SPRED1: variants seen among roughly 807,000 people sequenced by gnomAD.
SPRED1 encodes sprouty-related, EVH1 domain-containing protein 1.
Under a neutral mutation model 52.3 loss-of-function variants are expected in SPRED1, and 18 were observed. The observed-to-expected ratio is 0.34, with a 90% confidence interval of 0.24 to 0.51. SPRED1 has a LOEUF of 0.51. SPRED1 is among the 20% of genes least tolerant of loss of function. The pLI is 0.97. For synonymous variants in SPRED1, 155 were observed against 179.7 expected (o/e 0.86, Z 1.10); for missense variants, 485 against 551.0 (o/e 0.88, Z 1.20).
chr15:38,272,895 C>G (rs890321260), intron 1 of SPRED1, among the ~76,000 whole-genome samples: 1 of 151,936 alleles, frequency 6.6e-6, no homozygotes, highest in South Asian at 2.1e-4. Flanking sequence ...TTGTTTTTTG[C>G]TTGTTCAGTT....
At chr15:38,349,770 A>G (rs1888441409) in intron 6 of SPRED1, among the ~76,000 whole-genome samples, 1 of 152,240 alleles carries the variant, frequency 6.6e-6, no homozygotes, top group South Asian at 2.1e-4. Flanking sequence ...TGTTAATTAA[A>G]TAAACTGTAT....
At chr15:38,302,971 G>A (rs1895178184) in intron 2 of SPRED1, among the ~76,000 whole-genome samples, 1 of 152,042 alleles carries the variant, frequency 6.6e-6, no homozygotes, top group Non-Finnish European at 1.5e-5. Flanking sequence ...CGACCATCGT[G>A]GCTAACACAG....
intron 1 of SPRED1, among the ~76,000 whole-genome samples, chr15:38,262,249 C>T (rs1894220923): frequency 1.3e-5 from 2 of 152,170 alleles, no homozygotes; most frequent in African/African-American, 4.8e-5. Context: ...TTTGCCTTAG[C>T]TTTGGAGATA....
chr15:38,299,683 G>C (rs1895114769), intron 2 of SPRED1, 136 bp downstream of exon 2: 12 of 913,740 alleles, frequency 1.3e-5, no homozygotes, highest in Non-Finnish European at 1.4e-5. Flanking sequence ...TGTGTTAAAG[G>C]CAGTGAAATA....
At chr15:38,344,786 C>T (rs946018321) in intron 5 of SPRED1, among the ~76,000 whole-genome samples, 1 of 152,054 alleles carries the variant, frequency 6.6e-6, no homozygotes. Context: ...CAATAATACT[C>T]GTAAGTAATT....
intron 1 of SPRED1, among the ~76,000 whole-genome samples, chr15:38,256,325 G>A (rs542253052): frequency 4.6e-5 from 7 of 152,150 alleles, no homozygotes; most frequent in Non-Finnish European, 8.8e-5. Context: ...AAATGTTTCC[G>A]ATAGATATAA....
At position 38,351,315 on chromosome 15, in the gene SPRED1, A is replaced by G. The variant is rs1320937319; in HGVS notation, c.986A>G (p.Asp329Gly). 4 of 1,614,010 alleles carry G rather than the reference A, an allele frequency of 2.5e-6. No individual in the cohort carries two copies. The highest frequency in any genetic ancestry group is 2.5e-6 in the Non-Finnish European group (3 of 1,180,026). ...AAGAAGTCAAAACGAAGAAAAGAGG[A>G]TGGTGAACGTTCTCGCTGCGTATAC... ...KIKKSKRRKE[D>G]GERSRCVYCQ... is the part of the protein sequence containing the mutation. The change falls in exon 7 of 7, where the codon GAT becomes GGT. Residue 329 changes from aspartate (D) to glycine (G), a missense_variant. By Grantham distance (94) the Asp-to-Gly change is moderately conservative. This residue lies in a region of SPRED1 where 205 missense variants were observed against 245.2 expected (regional missense o/e 0.84). Transcript: ENST00000299084.
At chr15:38,279,135 C>A (rs1201585016) in intron 1 of SPRED1, among the ~76,000 whole-genome samples, 1 of 152,132 alleles carries the variant, frequency 6.6e-6, no homozygotes, top group African/African-American at 2.4e-5. Context: ...CTCCTAACTA[C>A]ATTTTTGATC....
At chr15:38,311,087 C>A (rs1895357862) in intron 2 of SPRED1, among the ~76,000 whole-genome samples, 1 of 152,154 alleles carries the variant, frequency 6.6e-6, no homozygotes, top group African/African-American at 2.4e-5. Flanking sequence ...GGGTTTCTTG[C>A]AGGCATTTTT....
chr15:38,283,864 G>A (rs1490799345), intron 1 of SPRED1, among the ~76,000 whole-genome samples: 1 of 152,134 alleles, frequency 6.6e-6, no homozygotes, highest in African/African-American at 2.4e-5. Context: ...GGTAGATAGA[G>A]CTGCCTTACT....
rs182900344 is a variant in SPRED1 at position 38,313,420 on chromosome 15, G to T, written c.208-8821G>T. Among the ~76,000 whole-genome samples the T allele has an allele frequency of 3.3e-4, 50 of 151,924 alleles. No homozygotes were observed. The East Asian group carries it at 7.9e-3, about 24-fold the overall frequency. On this transcript the variant is annotated intron_variant, in intron 2 of 6. Transcript: ENST00000299084. The stretch of plus-strand genomic sequence containing the variant: ...TTGGATTTTTCTAATGTTTCCCCAT[G>T]ATTAGATTCATATTATTCATCCTTG...
chr15:38,286,644 A>G (rs906065947), intron 1 of SPRED1, among the ~76,000 whole-genome samples: 19 of 150,550 alleles, frequency 1.3e-4, no homozygotes, highest in African/African-American at 4.6e-4. Context: ...ATACATTTTT[A>G]TTGTTGTACA....
intron 1 of SPRED1, among the ~76,000 whole-genome samples, chr15:38,281,559 ATTTTTTTTTTT>A (rs542005244): frequency 9.9e-6 from 1 of 100,742 alleles, no homozygotes; most frequent in Non-Finnish European, 1.9e-5. Context: ...TGCCCATCTA[ATTTTTTTTTTT>A]TTTTTTTTTT....
chr15:38,333,674 A>C (rs1370530286), intron 4 of SPRED1, among the ~76,000 whole-genome samples: 1 of 152,124 alleles, frequency 6.6e-6, no homozygotes, highest in African/African-American at 2.4e-5. Context: ...GAATTGTTCA[A>C]ACCACCTCAA....
Position 38,277,068 on chromosome 15 carries a change from TCTTTG to T in SPRED1, c.33-22301_33-22297del, listed in dbSNP as rs1286932719. On this transcript the variant is annotated intron_variant, in intron 1 of 6. Transcript: ENST00000299084. The stretch of plus-strand genomic sequence containing the variant: ...ATGATAGTAATATTCATAAAGCTTA[TCTTTG>T]CTTCTACATTAAGAGAAGTAAATTT... Among the ~76,000 whole-genome samples the T allele has an allele frequency of 9.2e-5, 14 of 152,340 alleles. 2 individuals carry two copies. Among genetic ancestry groups the T allele is most frequent in the African/African-American group, 3.4e-4 (14 of 41,572 alleles).
chr15:38,254,575 C>G (rs1031595463), intron 1 of SPRED1, among the ~76,000 whole-genome samples: 6 of 152,176 alleles, frequency 3.9e-5, no homozygotes, highest in African/African-American at 1.4e-4. Flanking sequence ...AAAAAAAATT[C>G]GCGGCTTATT....
At chr15:38,276,214 T>G (rs1894548693) in intron 1 of SPRED1, among the ~76,000 whole-genome samples, 1 of 151,482 alleles carries the variant, frequency 6.6e-6, no homozygotes, top group Non-Finnish European at 1.5e-5. Context: ...GTGAATGTTT[T>G]TTTTTTTTTT....
intron 5 of SPRED1, among the ~76,000 whole-genome samples, chr15:38,340,795 G>A (rs1357960739): frequency 6.6e-6 from 1 of 152,106 alleles, no homozygotes; most frequent in Non-Finnish European, 1.5e-5. Context: ...TTCCCAAAGT[G>A]TTGGGATTAC....
At chr15:38,280,902 A>G (rs1031101629) in intron 1 of SPRED1, among the ~76,000 whole-genome samples, 14 of 152,224 alleles carry the variant, frequency 9.2e-5, no homozygotes, top group African/African-American at 2.9e-4. Flanking sequence ...CTAAACATCC[A>G]TATCTCAAAG....
Sources: allele counts gnomAD v4.1 joint callset (sites outside exome capture counted in the v4.1 genomes callset), GRCh38; gene constraint gnomAD v4.1.1; regional missense constraint gnomAD v4.1.1; transcripts MANE v1.5; gene names NCBI Gene and HGNC (gene_info 2026-07-23, HGNC 2026-07-21).